The following KALRN variants were observed in gnomAD, a reference collection of about 807,000 sequenced individuals.
KALRN encodes kalirin.
A neutral mutation model predicts 353.7 loss-of-function variants in KALRN; 70 were observed. The ratio of observed to expected loss-of-function variants is 0.20; its 90% confidence interval spans 0.16 to 0.24. The LOEUF (loss-of-function observed/expected upper bound fraction) is 0.24, where lower values mean the gene tolerates loss of function less well. KALRN is among the 10% of genes least tolerant of loss of function. The pLI is 1.00. For missense variants in KALRN, 2,791 were observed against 3,756.7 expected (o/e 0.74, Z 6.72); for synonymous variants, 1,391 against 1,434.8 (o/e 0.97, Z 0.69).
intron 15 of KALRN, among the ~76,000 whole-genome samples, chr3:124,425,665 T>C (rs1280416625): frequency 6.6e-6 from 1 of 152,208 alleles, no homozygotes; most frequent in African/African-American, 2.4e-5. Flanking sequence ...AAATGAAATA[T>C]ATAAATTTGC....
intron 1 of KALRN, among the ~76,000 whole-genome samples, chr3:124,130,361 T>C (rs1054548888): frequency 1.2e-4 from 19 of 152,182 alleles, no homozygotes; most frequent in Admixed American, 6.5e-5. Flanking sequence ...GGTAGTTTAC[T>C]ATTTTCAAGA....
intron 3 of KALRN, among the ~76,000 whole-genome samples, chr3:124,246,642 G>A (rs531963119): frequency 9.5e-4 from 145 of 152,282 alleles, no homozygotes; most frequent in African/African-American, 3.4e-3. Context: ...TGTTGAATGA[G>A]CCTGGAAAGC....
At chr3:124,590,376 G>A (rs1438261280) in intron 34 of KALRN, among the ~76,000 whole-genome samples, 1 of 151,978 alleles carries the variant, frequency 6.6e-6, no homozygotes, top group East Asian at 1.9e-4. Context: ...GGTTCCATAG[G>A]GTATAGGTTC....
rs533108408 is a variant in KALRN, at chr3:124,504,745, C to T, written c.4935+8332C>T. ...TGGGCTCTGAGAGCTTGGCAGTGAG[C>T]ACTGGGATGTGGCAAGGCAGATCCC... On this transcript the variant is annotated intron_variant, in intron 33 of 59. Coordinates refer to ENST00000682506, the MANE Select transcript of KALRN (RefSeq NM_001388419.1). The T allele has an allele frequency of 9.6e-5, 41 of 425,158 alleles. 1 individual carries two copies. Among genetic ancestry groups the T allele is most frequent in the South Asian group, 7.2e-4 (40 of 55,262 alleles). The allele number at this position is 425,158 out of a possible 1,614,324, so 26.3% of individuals were successfully genotyped here. A position where few individuals can be genotyped will look rare whatever the true frequency, so the allele number is the denominator to read the frequency against.
intron 13 of KALRN, 63 bp from the exon 14 acceptor site, chr3:124,413,407 C>T (rs2092309954): frequency 7.1e-7 from 1 of 1,399,390 alleles, no homozygotes; most frequent in African/African-American, 1.4e-5. Context: ...AATTGTGAGC[C>T]TTAACCTAAC....
At chr3:124,359,530 T>C (rs1264513406) in intron 10 of KALRN, among the ~76,000 whole-genome samples, 2 of 152,220 alleles carry the variant, frequency 1.3e-5, no homozygotes, top group Non-Finnish European at 2.9e-5. Context: ...GGACATATGA[T>C]ATAGTGAAGA....
chr3:124,260,474 A>G (rs11929003), intron 3 of KALRN, among the ~76,000 whole-genome samples: 66,648 of 151,942 alleles, frequency 0.44, 14,770 homozygotes, highest in Admixed American at 0.46. Context: ...ATCCTTGCAA[A>G]TAGCAGCCCT....
At chr3:124,601,120 G>A (rs145411745) in intron 34 of KALRN, among the ~76,000 whole-genome samples, 15 of 152,292 alleles carry the variant, frequency 9.8e-5, no homozygotes, top group African/African-American at 3.4e-4. Flanking sequence ...GCATTAGTCT[G>A]GTGACCTAAC....
intron 1 of KALRN, among the ~76,000 whole-genome samples, chr3:124,160,097 A>T (rs2069680465): frequency 6.6e-6 from 1 of 151,562 alleles, no homozygotes; most frequent in Non-Finnish European, 1.5e-5. Context: ...ATGTGACCTT[A>T]CTTGGAAATA....
intron 18 of KALRN, among the ~76,000 whole-genome samples, chr3:124,439,673 C>A (rs542971901): frequency 6.6e-6 from 1 of 152,280 alleles, no homozygotes; most frequent in South Asian, 2.1e-4. Flanking sequence ...ACACATGACA[C>A]TGTTCATTCT....
At chr3:124,058,976 TG>T (rs1283896778) in intron 1 of KALRN, among the ~76,000 whole-genome samples, 1 of 152,244 alleles carries the variant, frequency 6.6e-6, no homozygotes, top group Non-Finnish European at 1.5e-5. Context: ...TACACTTGTC[TG>T]AGACCAGCTC....
At chr3:124,352,788 C>G (rs904495021) in intron 10 of KALRN, among the ~76,000 whole-genome samples, 1 of 151,964 alleles carries the variant, frequency 6.6e-6, no homozygotes, top group Non-Finnish European at 1.5e-5. Context: ...ACCGCATGTT[C>G]TCACTCATAA....
intron 32 of KALRN, among the ~76,000 whole-genome samples, chr3:124,493,878 C>T (rs996112130): frequency 1.4e-4 from 21 of 152,246 alleles, no homozygotes; most frequent in African/African-American, 5.1e-4. Flanking sequence ...ATTATAACTG[C>T]TCTGGTGAAG....
chr3:124,254,411 C>A (rs1580099106), intron 3 of KALRN, among the ~76,000 whole-genome samples: 2 of 118,950 alleles, frequency 1.7e-5, no homozygotes, highest in East Asian at 2.3e-4. Context: ...GTGTTCTATG[C>A]ATCTATGAAG....
intron 9 of KALRN, among the ~76,000 whole-genome samples, chr3:124,335,742 T>G (rs1217777568): frequency 6.6e-6 from 1 of 152,252 alleles, no homozygotes; most frequent in African/African-American, 2.4e-5. Context: ...TTGACTTTTC[T>G]GTGGCTACCG....
In KALRN at chr3:124,138,604, G is replaced by A. The variant is rs76639098; in HGVS notation, c.74-89386G>A. Among the ~76,000 whole-genome samples, 389 of 152,306 alleles carry A rather than the reference G, an allele frequency of 2.6e-3. 1 individual carries two copies. Among genetic ancestry groups the A allele is most frequent in the African/African-American group, 8.7e-3 (362 of 41,568 alleles). ...CACTGAGGCCAGAGGATTCACTGAA[G>A]TTCTTCCCTTCTCCCATATTCTCTC... On this transcript the variant is annotated intron_variant, in intron 1 of 59. Transcript: ENST00000682506.
intron 38 of KALRN, among the ~76,000 whole-genome samples, chr3:124,654,934 G>A (rs917682275): frequency 1.3e-5 from 2 of 152,196 alleles, no homozygotes; most frequent in African/African-American, 4.8e-5. Flanking sequence ...GAGAGCAAAT[G>A]TCCTTGTAAT....
chr3:124,667,230 A>T (rs1428380646), intron 47 of KALRN, 47 bp downstream of exon 47: 1 of 1,540,998 alleles, frequency 6.5e-7, no homozygotes, highest in Non-Finnish European at 8.9e-7. Flanking sequence ...AGGGGACTCC[A>T]CGACCTCTGA....
chr3:124,270,988 C>A (rs2074106081), intron 5 of KALRN, among the ~76,000 whole-genome samples: 1 of 151,980 alleles, frequency 6.6e-6, no homozygotes, highest in South Asian at 2.1e-4. Context: ...TGCCACCATG[C>A]CTGGCTAATT....
Sources: gnomAD v4.1 joint callset for allele counts (sites outside exome capture counted in the v4.1 genomes callset) on GRCh38, gnomAD v4.1.1 for gene constraint, MANE v1.5 for transcripts, NCBI Gene and HGNC (gene_info 2026-07-23, HGNC 2026-07-21) for gene names.